Variants in PIAS1 observed in about 807,000 individuals in gnomAD.
The protein encoded by PIAS1 is protein inhibitor of activated STAT 1, also known as E3 SUMO-protein ligase PIAS1.
In PIAS1, 6 loss-of-function variants were observed where a neutral mutation model predicts 71.3. That is an observed-to-expected ratio of 0.08 (90% confidence interval 0.05 to 0.17). PIAS1 has a LOEUF of 0.17. PIAS1 is among the 10% of genes least tolerant of loss of function. The probability of loss-of-function intolerance (pLI) is 1.00; values close to 1 mark genes in which losing one functional copy is unlikely to be tolerated. For synonymous variants in PIAS1, 303 were observed against 292.9 expected (o/e 1.03, Z -0.35); for missense variants, 555 against 793.6 (o/e 0.70, Z 3.61).
intron 7 of PIAS1, among the ~76,000 whole-genome samples, chr15:68,161,227 G>GA (rs1490709439): frequency 2.0e-5 from 3 of 152,114 alleles, no homozygotes; most frequent in Non-Finnish European, 4.4e-5. Context: ...AACACGTGGG[G>GA]ATACATCACA....
chr15:68,065,893 A>C (rs1597119706), intron 1 of PIAS1, among the ~76,000 whole-genome samples: 1 of 124,934 alleles, frequency 8.0e-6, no homozygotes, highest in Non-Finnish European at 1.6e-5. Context: ...GGTGCTTGCC[A>C]CCATGCTCAG....
chr15:68,076,948 A>C (rs2092172476), intron 1 of PIAS1, among the ~76,000 whole-genome samples: 2 of 152,182 alleles, frequency 1.3e-5, no homozygotes, highest in African/African-American at 4.8e-5. Flanking sequence ...GGGGTGTAGG[A>C]TACAATTTTT....
At chr15:68,114,067 T>C (rs907945109) in intron 2 of PIAS1, among the ~76,000 whole-genome samples, 7 of 151,036 alleles carry the variant, frequency 4.6e-5, no homozygotes, top group Non-Finnish European at 8.9e-5. Flanking sequence ...CACACTTATA[T>C]ACATGTATAG....
chr15:68,148,823 A>G (rs1189166587), intron 6 of PIAS1, among the ~76,000 whole-genome samples: 1 of 152,246 alleles, frequency 6.6e-6, no homozygotes, highest in African/African-American at 2.4e-5. Flanking sequence ...GGAGGCCAGA[A>G]TCGTGCAGAA....
intron 2 of PIAS1, among the ~76,000 whole-genome samples, chr15:68,093,302 A>G (rs1394795161): frequency 2.0e-5 from 3 of 152,268 alleles, no homozygotes; most frequent in African/African-American, 4.8e-5. Context: ...AATTACAATT[A>G]CAAGTGCAAC....
intron 2 of PIAS1, among the ~76,000 whole-genome samples, chr15:68,128,592 G>A (rs1196975924): frequency 3.3e-5 from 5 of 152,012 alleles, no homozygotes; most frequent in Admixed American, 1.3e-4. Flanking sequence ...AATTTTTTTT[G>A]GAACAAATGA....
chr15:68,086,757 T>C lies in PIAS1; in HGVS notation c.469+7T>C, dbSNP rs2092286674. ...ATAAAACCCACCAGTCTAGGTAAGATTATTGTATGATAGTATTTGGTTACT... is the reference window on the plus strand; with the variant it reads ...ATAAAACCCACCAGTCTAGGTAAGACTATTGTATGATAGTATTTGGTTACT... On this transcript the variant is annotated splice_region_variant and intron_variant, in intron 2 of 13. Coordinates refer to ENST00000249636, the MANE Select transcript of PIAS1 (RefSeq NM_016166.3). The surrounding 1 kb of genome is among the most constrained non-coding windows in gnomAD (Gnocchi z 7.2). 6.4e-7 allele frequency: 1 copy of C among 1,565,298 alleles called. No individual in the cohort carries two copies. The highest frequency in any genetic ancestry group is 1.4e-5 in the African/African-American group (1 of 73,838).
In PIAS1 at chr15:68,167,213, G is replaced by GTA. The variant is rs1555433075; in HGVS notation, c.1008+2411_1008+2412dup. ...ATATTGTGTGTGTGTGTGTGTGTGT[G>GTA]TATGTGTAAAATGTATAATTATAAT... is the stretch of plus-strand genomic sequence containing the variant. On this transcript the variant is annotated intron_variant, in intron 8 of 13. Coordinates refer to ENST00000249636, the MANE Select transcript of PIAS1 (RefSeq NM_016166.3). This position sits in a 1 kb window ranked among gnomAD's most constrained non-coding sequence, Gnocchi z 4.4. Among the ~76,000 whole-genome samples, 2 of 151,952 alleles carry GTA rather than the reference G, an allele frequency of 1.3e-5. No homozygotes were observed. Among genetic ancestry groups the GTA allele is most frequent in the African/African-American group, 2.4e-5 (1 of 41,364 alleles).
intron 6 of PIAS1, among the ~76,000 whole-genome samples, chr15:68,150,893 A>G (rs2092839095): frequency 1.3e-5 from 2 of 152,184 alleles, no homozygotes; most frequent in Non-Finnish European, 2.9e-5. Context: ...TTCAGAGTCC[A>G]AAATACTTAT....
rs1391214872 is a variant in PIAS1, at chr15:68,189,539, C to T, written c.*1704C>T. 1 of 152,000 alleles carries T rather than the reference C, an allele frequency of 6.6e-6. No individual in the cohort carries two copies. The highest frequency in any genetic ancestry group is 6.6e-5 in the Admixed American group (1 of 15,256). 9.4% of individuals were successfully genotyped at this position (152,000 alleles called of 1,614,324 possible). ...ATGATAAAATTAATGGTTCTCATGA[C>T]TTGTGTGGCATCTAAAAATAATGTT... On this transcript the variant is annotated 3_prime_UTR_variant, in exon 14 of 14. Coordinates refer to ENST00000249636, the MANE Select transcript of PIAS1 (RefSeq NM_016166.3).
At position 68,093,255 on chromosome 15, in the gene PIAS1, A is replaced by G. The variant is rs568948487; in HGVS notation, c.469+6505A>G. Among the ~76,000 whole-genome samples the G allele has an allele frequency of 3.9e-5, 6 of 152,350 alleles. No homozygotes were observed. The South Asian group carries it at 8.3e-4, about 21-fold the overall frequency. On this transcript the variant is annotated intron_variant, in intron 2 of 13. Coordinates refer to ENST00000249636, the MANE Select transcript of PIAS1 (RefSeq NM_016166.3). ...ACAGCAACTTTCTTTTTAGACTTAC[A>G]TTTTAGCAGCTTTTGTAATATTTAA...
At chr15:68,092,360 C>T (rs536907668) in intron 2 of PIAS1, among the ~76,000 whole-genome samples, 7 of 151,964 alleles carry the variant, frequency 4.6e-5, no homozygotes, top group South Asian at 4.2e-4. Context: ...TTTGTAGAGA[C>T]GGAGTTTTGT....
rs557121223 is a variant in PIAS1 at position 68,186,093 on chromosome 15, C to T, written c.1663-1449C>T. Among the ~76,000 whole-genome samples the T allele has an allele frequency of 5.9e-5, 9 of 152,298 alleles. No homozygotes were observed. In the Middle Eastern group the frequency reaches 0.02, roughly 345 times the overall value. ...GATAAAAAAGAAACCAAGCCAAACA[C>T]CATGGACATATTTCTGAAAAGAGTG... On this transcript the variant is annotated intron_variant, in intron 13 of 13. Coordinates refer to ENST00000249636, the MANE Select transcript of PIAS1 (RefSeq NM_016166.3). This position sits in a 1 kb window ranked among gnomAD's most constrained non-coding sequence, Gnocchi z 4.4.
At chr15:68,128,667 C>T (rs2092669337) in intron 2 of PIAS1, among the ~76,000 whole-genome samples, 1 of 152,000 alleles carries the variant, frequency 6.6e-6, no homozygotes, top group Non-Finnish European at 1.5e-5. Flanking sequence ...TAAAACATTC[C>T]AGATTCTGCT....
chr15:68,063,447 G>C (rs1347687870), intron 1 of PIAS1, among the ~76,000 whole-genome samples: 3 of 152,160 alleles, frequency 2.0e-5, no homozygotes, highest in Non-Finnish European at 2.9e-5. Context: ...AAGAGGCACA[G>C]AACTGGCTCA....
At chr15:68,158,265 C>T (rs982466924) in intron 7 of PIAS1, among the ~76,000 whole-genome samples, 14 of 152,094 alleles carry the variant, frequency 9.2e-5, no homozygotes, top group Admixed American at 5.9e-4. Context: ...TTTCCAGGGT[C>T]GCCTGTATTT....
chr15:68,061,906 G>A (rs1035171515), intron 1 of PIAS1, among the ~76,000 whole-genome samples: 12 of 152,170 alleles, frequency 7.9e-5, no homozygotes, highest in South Asian at 6.2e-4. Context: ...GTTAGTTTGC[G>A]TCTTTTTGTT....
At chr15:68,163,566 G>A (rs1489169344) in intron 7 of PIAS1, among the ~76,000 whole-genome samples, 2 of 152,172 alleles carry the variant, frequency 1.3e-5, no homozygotes, top group Admixed American at 6.5e-5. Flanking sequence ...TATGGAAATA[G>A]TTGGATAGGA....
At position 68,167,832 on chromosome 15, in the gene PIAS1, A is replaced by G. The variant is rs975776299; in HGVS notation, c.1008+3028A>G. 3.9e-5 allele frequency among the ~76,000 whole-genome samples: 6 copies of G among 152,094 alleles called. No individual in the cohort carries two copies. In the East Asian group the frequency reaches 9.7e-4, roughly 24 times the overall value. ...GCAATTCCTCTGCTTCAGCCTCCCA[A>G]GTAGCTAGAACTACAGGTGCACGCC... is the stretch of plus-strand genomic sequence containing the variant. On this transcript the variant is annotated intron_variant, in intron 8 of 13. Coordinates refer to ENST00000249636, the MANE Select transcript of PIAS1 (RefSeq NM_016166.3). The surrounding 1 kb of genome is among the most constrained non-coding windows in gnomAD (Gnocchi z 4.4).
Sources: allele counts gnomAD v4.1 joint callset (sites outside exome capture counted in the v4.1 genomes callset), GRCh38; gene constraint gnomAD v4.1.1; non-coding constraint Gnocchi (gnomAD v3.1); transcripts MANE v1.5; gene names NCBI Gene and HGNC (gene_info 2026-07-23, HGNC 2026-07-21).